Variants in MGST1 observed in about 807,000 individuals in gnomAD.
MGST1 encodes the protein glutathione S-transferase 12.
A neutral mutation model predicts 8.9 loss-of-function variants in MGST1; 5 were observed. The observed-to-expected ratio is 0.56, with a 90% CI of 0.29 to 1.19. The LOEUF (loss-of-function observed/expected upper bound fraction) is 1.19. Among genes scored for constraint, MGST1 ranks in the 50% most tolerant of loss-of-function variants. The pLI is 0.08. For missense variants in MGST1, 182 were observed against 187.4 expected (o/e 0.97, Z 0.17); for synonymous variants, 54 against 67.8 (o/e 0.80, Z 1.00).
At chr12:16,457,739 G>A (rs1941187177) in intron 4 of MGST1, among the ~76,000 whole-genome samples, 1 of 151,888 alleles carries the variant, frequency 6.6e-6, no homozygotes, top group Admixed American at 6.6e-5. Context: ...GTAATCTGCA[G>A]GCTATCTTTG....
chr12:16,396,926 GA>G (rs1325214526), intron 1 of MGST1, among the ~76,000 whole-genome samples: 4 of 151,554 alleles, frequency 2.6e-5, no homozygotes, highest in South Asian at 2.1e-4. Flanking sequence ...CACAGAACTA[GA>G]AAAAAAATCC....
chr12:16,376,966 T>C (rs1940390756), exon 4 of MGST1: 2 of 152,106 alleles, frequency 1.3e-5, no homozygotes, highest in South Asian at 4.1e-4. Context: ...GTTTGAAATG[T>C]TCTAAAATTA....
intron 1 of MGST1, among the ~76,000 whole-genome samples, chr12:16,385,747 C>A (rs925604379): frequency 6.7e-6 from 1 of 150,290 alleles, no homozygotes; most frequent in Admixed American, 6.6e-5. Context: ...GTCTTTGGCA[C>A]GATACTGTGG....
At chr12:16,554,150 T>TCAG (rs1424233648) in intron 4 of MGST1, among the ~76,000 whole-genome samples, 16 of 152,160 alleles carry the variant, frequency 1.1e-4, no homozygotes, top group Admixed American at 7.9e-4. Context: ...CTTCATATAG[T>TCAG]CTTAGAGACT....
At chr12:16,354,541 T>C (rs762823258) in intron 2 of MGST1, 163 bp downstream of exon 2, 102 of 552,338 alleles carry the variant, frequency 1.8e-4, no homozygotes, top group Non-Finnish European at 2.8e-4. Flanking sequence ...CTGATGTATT[T>C]ATGGAACAGT....
Position 16,361,594 on chromosome 12 carries a change from T to C in MGST1, c.222-2201T>C, listed in dbSNP as rs1401849694. On this transcript the variant is annotated intron_variant, in intron 3 of 3. Coordinates refer to ENST00000396210, the MANE Select transcript of MGST1 (RefSeq NM_020300.5). This position sits in a 1 kb window ranked among gnomAD's most constrained non-coding sequence, Gnocchi z 4.2. ...TGCCGCTCCAGGAAGGAGTCTGTCG[T>C]TGGAGAAGAGGGGAGGGTTAGGACG... Among the ~76,000 whole-genome samples, 2 of 152,046 alleles carry C rather than the reference T, an allele frequency of 1.3e-5. No homozygotes were observed. Among genetic ancestry groups the C allele is most frequent in the Non-Finnish European group, 2.9e-5 (2 of 68,004 alleles).
intron 1 of MGST1, among the ~76,000 whole-genome samples, chr12:16,396,906 C>G (rs778972790): frequency 1.3e-5 from 2 of 151,872 alleles, no homozygotes; most frequent in Non-Finnish European, 2.9e-5. Flanking sequence ...AAAATACCAC[C>G]ATTATTCTTC....
At chr12:16,455,044 A>G (rs2137117560) in intron 4 of MGST1, among the ~76,000 whole-genome samples, 1 of 151,912 alleles carries the variant, frequency 6.6e-6, no homozygotes, top group South Asian at 2.1e-4. Flanking sequence ...ATTAGTACCT[A>G]ATCTGCATTA....
At chr12:16,386,806 A>G (rs1264824413) in intron 1 of MGST1, among the ~76,000 whole-genome samples, 1 of 152,160 alleles carries the variant, frequency 6.6e-6, no homozygotes, top group Non-Finnish European at 1.5e-5. Context: ...TAAGTTTTAA[A>G]TTGTGTGCCA....
At chr12:16,571,609 A>G (rs1408209808) in intron 4 of MGST1, among the ~76,000 whole-genome samples, 1 of 152,078 alleles carries the variant, frequency 6.6e-6, no homozygotes, top group Non-Finnish European at 1.5e-5. Flanking sequence ...GGTTGGGTAG[A>G]AAATTATATG....
At chr12:16,535,018 T>C (rs1013580603) in intron 4 of MGST1, among the ~76,000 whole-genome samples, 1 of 152,176 alleles carries the variant, frequency 6.6e-6, no homozygotes, top group Non-Finnish European at 1.5e-5. Context: ...AGATCCCAGC[T>C]CATGACACTG....
At chr12:16,466,698 A>AT (rs1240542069) in intron 4 of MGST1, among the ~76,000 whole-genome samples, 1 of 152,202 alleles carries the variant, frequency 6.6e-6, no homozygotes, top group Non-Finnish European at 1.5e-5. Flanking sequence ...AGTGAGATAC[A>AT]TTTTTCCTCT....
At chr12:16,494,011 A>G (rs1023751538) in intron 4 of MGST1, among the ~76,000 whole-genome samples, 6 of 152,170 alleles carry the variant, frequency 3.9e-5, no homozygotes, top group African/African-American at 1.4e-4. Context: ...TTACTTTAAC[A>G]TAAGAGGGTG....
In MGST1 at chr12:16,410,595, T is replaced by C. The variant is rs1940733963; in HGVS notation, n.779-26793T>C. Among the ~76,000 whole-genome samples the C allele has an allele frequency of 6.7e-6, 1 of 148,420 alleles. No homozygotes were observed. The highest frequency in any genetic ancestry group is 2.1e-4 in the South Asian group (1 of 4,808). ...AATATATATTTTTACACATACATAT[T>C]AATGTTTATATATTACATATAAATA... On this transcript the variant is annotated intron_variant and non_coding_transcript_variant, in intron 1 of 1. Coordinates refer to the MGST1 transcript ENST00000359720. This position sits in a 1 kb window ranked among gnomAD's most constrained non-coding sequence, Gnocchi z 4.4.
rs182362348 is a variant in MGST1 at position 16,516,001 on chromosome 12, A to G, written n.483-73527A>G. On this transcript the variant is annotated intron_variant and non_coding_transcript_variant, in intron 4 of 4. Transcript: ENST00000538857. ...TGCAGCCTAGTTTCTCTGTTACAATAAAATTACTGTAAACCGCCCCCCACC... is the reference window on the plus strand; with the variant it reads ...TGCAGCCTAGTTTCTCTGTTACAATGAAATTACTGTAAACCGCCCCCCACC... Among the ~76,000 whole-genome samples, 762 of 152,346 alleles carry G rather than the reference A, an allele frequency of 5.0e-3. 3 individuals carry two copies. The highest frequency in any genetic ancestry group is 8.7e-3 in the Non-Finnish European group (592 of 68,032).
intron 4 of MGST1, among the ~76,000 whole-genome samples, chr12:16,473,064 G>T (rs927573933): frequency 2.0e-5 from 3 of 152,156 alleles, no homozygotes; most frequent in African/African-American, 7.2e-5. Context: ...AGCTTGGCAA[G>T]ATTTTATCCA....
chr12:16,503,934 C>A lies in MGST1; in HGVS notation n.483-85594C>A, dbSNP rs534932892. Among the ~76,000 whole-genome samples the A allele has an allele frequency of 3.2e-4, 49 of 152,328 alleles. No homozygotes were observed. Among genetic ancestry groups the A allele is most frequent in the African/African-American group, 1.2e-3 (48 of 41,578 alleles). Reference sequence around the variant, plus strand: ...TAGCCCTGCTCTGCAAGGCACAGTACCTCCGGTGCTGCTGTATGCTGCTGC... The same window carrying A: ...TAGCCCTGCTCTGCAAGGCACAGTAACTCCGGTGCTGCTGTATGCTGCTGC... On this transcript the variant is annotated intron_variant and non_coding_transcript_variant, in intron 4 of 4. Coordinates refer to the MGST1 transcript ENST00000538857. This position sits in a 1 kb window ranked among gnomAD's most constrained non-coding sequence, Gnocchi z 4.8.
Position 16,513,439 on chromosome 12 carries a change from C to T in MGST1, n.483-76089C>T. 1 of 404,428 alleles carries T rather than the reference C, an allele frequency of 2.5e-6. No individual in the cohort carries two copies. The highest frequency in any genetic ancestry group is 4.8e-6 in the Non-Finnish European group (1 of 206,968). The allele number at this position is 404,428 out of a possible 1,614,324, so 25.1% of individuals were successfully genotyped here. A position where few individuals can be genotyped will look rare whatever the true frequency, so the allele number is the denominator to read the frequency against. On this transcript the variant is annotated intron_variant and non_coding_transcript_variant, in intron 4 of 4. Transcript: ENST00000538857. This position sits in a 1 kb window ranked among gnomAD's most constrained non-coding sequence, Gnocchi z 4.2. ...GCGTCGTCTCCGGGATCGCCGCCGC[C>T]TTCCACCCGGGCTCGCCTCTGATGC...
intron 1 of MGST1, among the ~76,000 whole-genome samples, chr12:16,429,828 T>G (rs1940923114): frequency 1.3e-5 from 2 of 152,296 alleles, no homozygotes; most frequent in South Asian, 2.1e-4. Context: ...GGGTGGTGGT[T>G]GTTGAAAGTT....
Sources: gnomAD v4.1 joint callset for allele counts (sites outside exome capture counted in the v4.1 genomes callset) on GRCh38, gnomAD v4.1.1 for gene constraint, Gnocchi (gnomAD v3.1) non-coding constraint, MANE v1.5 for transcripts, NCBI Gene and HGNC (gene_info 2026-07-23, HGNC 2026-07-21) for gene names.